The following TWSG1 variants were observed in gnomAD, a reference collection of about 807,000 sequenced individuals.
The protein encoded by TWSG1 is twisted gastrulation BMP signaling modulator 1.
Under a neutral mutation model 23.0 loss-of-function variants are expected in TWSG1, and 15 were observed. That is an observed-to-expected ratio of 0.65 (90% CI 0.44 to 1.00). The LOEUF is 1.00. Among genes scored for constraint, TWSG1 ranks in the 50% least tolerant of loss-of-function variants. The pLI is 0.00. For synonymous variants in TWSG1, 86 were observed against 92.8 expected (o/e 0.93, Z 0.42); for missense variants, 242 against 278.7 (o/e 0.87, Z 0.94).
intron 3 of TWSG1, among the ~76,000 whole-genome samples, chr18:9,364,684 C>T (rs1381686902): frequency 6.6e-6 from 1 of 151,786 alleles, no homozygotes; most frequent in African/African-American, 2.4e-5. Context: ...ATCCCAGCGA[C>T]AAGGGAGGCT....
intron 2 of TWSG1, among the ~76,000 whole-genome samples, chr18:9,357,023 T>TAA (rs1427572911): frequency 8.6e-5 from 13 of 150,398 alleles, no homozygotes; most frequent in African/African-American, 1.2e-4. Flanking sequence ...ATGGTGTTTC[T>TAA]AAAAAGTGCG....
chr18:9,388,928 A>G (rs938443086), intron 3 of TWSG1, among the ~76,000 whole-genome samples: 1 of 150,476 alleles, frequency 6.6e-6, no homozygotes, highest in Non-Finnish European at 1.5e-5. Flanking sequence ...TTTACCTTCA[A>G]CTCTATTTAC....
intron 2 of TWSG1, among the ~76,000 whole-genome samples, chr18:9,347,783 T>C (rs2040484130): frequency 6.6e-6 from 1 of 152,140 alleles, no homozygotes; most frequent in African/African-American, 2.4e-5. Context: ...CAAGAGCTCT[T>C]ATTTATTGCT....
intron 2 of TWSG1, among the ~76,000 whole-genome samples, chr18:9,344,528 TGTA>T (rs1416721421): frequency 9.9e-6 from 1 of 100,786 alleles, no homozygotes; most frequent in African/African-American, 3.8e-5. Flanking sequence ...TGTGTATGTA[TGTA>T]TTTTTTTTTT....
intron 3 of TWSG1, among the ~76,000 whole-genome samples, chr18:9,378,943 G>A (rs112446587): frequency 0.042 from 6,324 of 152,070 alleles, 435 homozygotes; most frequent in African/African-American, 0.15. Context: ...TAATCATTAC[G>A]TAAATGCAAA....
rs73383475 is a variant in TWSG1 at position 9,401,266 on chromosome 18, G to A, written c.*1739G>A. ...AACATTTAGCTCCCCTTCTTCATGAGCATCTGTAGAGCTGAAAGTATTCTG... is the reference window on the plus strand; with the variant it reads ...AACATTTAGCTCCCCTTCTTCATGAACATCTGTAGAGCTGAAAGTATTCTG... On this transcript the variant is annotated 3_prime_UTR_variant, in exon 5 of 5. Transcript: ENST00000262120. The A allele has an allele frequency of 3.3e-5, 5 of 151,972 alleles. No homozygotes were observed. Among genetic ancestry groups the A allele is most frequent in the Non-Finnish European group, 7.4e-5 (5 of 68,014 alleles). The allele number at this position is 151,972 out of a possible 1,614,324, so 9.4% of individuals were successfully genotyped here.
In TWSG1 at chr18:9,399,435, C is replaced by T. The variant is rs1488381822; in HGVS notation, c.580C>T (p.Arg194Cys). The change falls in exon 5 of 5, where the codon CGC becomes TGC. Residue 194 changes from arginine (R) to cysteine (C), a missense_variant. Physicochemically the swap from Arg to Cys is radical, Grantham distance 180 (BLOSUM62 -3). Coordinates refer to ENST00000262120, the MANE Select transcript of TWSG1 (RefSeq NM_020648.6). The stretch of plus-strand genomic sequence containing the variant: ...TGAGTCCATGGGAGCATCCAAATAT[C>T]GCTGGTTTCATAATGCCTGCTGCGA... ...SCESMGASKY[R>C]WFHNACCECI... 4 of 1,613,998 alleles carry T rather than the reference C, an allele frequency of 2.5e-6. No homozygotes were observed. The highest frequency in any genetic ancestry group is 1.7e-6 in the Non-Finnish European group (2 of 1,179,940).
intron 3 of TWSG1, among the ~76,000 whole-genome samples, chr18:9,382,487 C>T (rs538553424): frequency 6.6e-6 from 1 of 151,896 alleles, no homozygotes; most frequent in East Asian, 1.9e-4. Flanking sequence ...CGGGCCACTG[C>T]ACTCCAGCCT....
intron 3 of TWSG1, among the ~76,000 whole-genome samples, chr18:9,394,133 C>T (rs2040724239): frequency 6.6e-6 from 1 of 152,086 alleles, no homozygotes; most frequent in African/African-American, 2.4e-5. Flanking sequence ...TCACAATTGC[C>T]AAAATGTGGA....
chr18:9,348,851 A>G (rs1355632223), intron 2 of TWSG1, among the ~76,000 whole-genome samples: 4 of 152,234 alleles, frequency 2.6e-5, no homozygotes, highest in African/African-American at 7.2e-5. Flanking sequence ...CTGATGTACT[A>G]TGAGGATAAA....
intron 4 of TWSG1, 200 bp downstream of exon 4, chr18:9,396,746 T>TA: frequency 3.2e-6 from 2 of 626,660 alleles, no homozygotes. Flanking sequence ...AAAAAAAATA[T>TA]CTCCAATCCT....
chr18:9,356,927 A>G (rs190810630), intron 2 of TWSG1, among the ~76,000 whole-genome samples: 117 of 151,878 alleles, frequency 7.7e-4, no homozygotes, highest in African/African-American at 2.8e-3. Flanking sequence ...AAAATTTTTT[A>G]AAAAGCTTTA....
chr18:9,386,453 CAAA>C (rs1168896311), intron 3 of TWSG1, among the ~76,000 whole-genome samples: 7 of 67,232 alleles, frequency 1.0e-4, no homozygotes, highest in South Asian at 5.1e-4. Flanking sequence ...GACTCCATCT[CAAA>C]AAAAAAAAAA....
chr18:9,387,874 A>G (rs1267839887), intron 3 of TWSG1, among the ~76,000 whole-genome samples: 2 of 152,196 alleles, frequency 1.3e-5, no homozygotes, highest in East Asian at 3.8e-4. Flanking sequence ...TTTTCTAATC[A>G]TAATGCTGTT....
At chr18:9,386,150 C>T (rs2040682785) in intron 3 of TWSG1, among the ~76,000 whole-genome samples, 1 of 142,468 alleles carries the variant, frequency 7.0e-6, no homozygotes, top group African/African-American at 2.6e-5. Context: ...AGCAACACAG[C>T]GAGAATCTGT....
intron 3 of TWSG1, among the ~76,000 whole-genome samples, chr18:9,393,859 C>G (rs2040722768): frequency 6.6e-6 from 1 of 152,090 alleles, no homozygotes; most frequent in Admixed American, 6.5e-5. Flanking sequence ...TGATGTCTGA[C>G]CTAAAATTAT....
At chr18:9,360,592 CT>C (rs1463699464) in intron 3 of TWSG1, among the ~76,000 whole-genome samples, 2 of 152,032 alleles carry the variant, frequency 1.3e-5, no homozygotes, top group African/African-American at 4.8e-5. Context: ...CCTTGGAAAC[CT>C]TCCTTATTTG....
Position 9,382,224 on chromosome 18 carries a change from G to A in TWSG1, c.224-14056G>A, listed in dbSNP as rs143701504. ...TAGAAAAAACAAGAGGAGGCTGGGC[G>A]AGGAGGCTGGGCATGGTGGCTGGGA... On this transcript the variant is annotated intron_variant, in intron 3 of 4. Transcript: ENST00000262120. 5.5e-3 allele frequency among the ~76,000 whole-genome samples: 830 copies of A among 150,584 alleles called. 8 individuals carry two copies. Among genetic ancestry groups the A allele is most frequent in the African/African-American group, 0.02 (796 of 40,056 alleles).
Position 9,396,352 on chromosome 18 carries a change from C to T in TWSG1, c.296C>T (p.Pro99Leu), listed in dbSNP as rs867166821. 33 of 1,613,970 alleles carry T rather than the reference C, an allele frequency of 2.0e-5. No individual in the cohort carries two copies. Among genetic ancestry groups the T allele is most frequent in the African/African-American group, 6.7e-5 (5 of 74,904 alleles). The change falls in exon 4 of 5, where the codon CCG becomes CTG. Residue 99 changes from proline to leucine, a missense_variant. Pro to Leu is a moderately conservative substitution (Grantham distance 98). Coordinates refer to ENST00000262120, the MANE Select transcript of TWSG1 (RefSeq NM_020648.6). ...SKSTVEELHE[P>L]IPSLFRALTE... ...AGCACAGTGGAGGAGCTGCATGAAC[C>T]GATCCCTTCTCTCTTCCGGGCACTC...
Sources: gnomAD v4.1 joint callset for allele counts (sites outside exome capture counted in the v4.1 genomes callset) on GRCh38, gnomAD v4.1.1 for gene constraint, MANE v1.5 for transcripts, NCBI Gene and HGNC (gene_info 2026-07-23, HGNC 2026-07-21) for gene names.